Variants in DIP2A observed in about 807,000 individuals in gnomAD.
DIP2A encodes disco-interacting protein 2 homolog A.
Under a neutral mutation model 177.4 loss-of-function variants are expected in DIP2A, and 85 were observed. The ratio of observed to expected loss-of-function variants is 0.48; its 90% CI spans 0.40 to 0.57. The LOEUF (loss-of-function observed/expected upper bound fraction) is 0.57, where lower values mean the gene tolerates loss of function less well. Ranked by LOEUF, DIP2A falls within the 20% of genes least tolerant of loss-of-function variation. The pLI is 0.00. For missense variants in DIP2A, 1,791 were observed against 2,100.2 expected, an observed-to-expected ratio of 0.85 and a Z score of 2.88; for synonymous variants, 886 against 881.8, an observed-to-expected ratio of 1.00 and a Z score of -0.08.
At chr21:46,536,642 A>G (rs1766562780) in intron 13 of DIP2A, among the ~76,000 whole-genome samples, 1 of 152,096 alleles carries the variant, frequency 6.6e-6, no homozygotes, top group African/African-American at 2.4e-5. Flanking sequence ...GGTGACTTAC[A>G]CCTGTAATCC....
chr21:46,524,391 A>G (rs1315823299), intron 8 of DIP2A, among the ~76,000 whole-genome samples: 1 of 152,108 alleles, frequency 6.6e-6, no homozygotes, highest in Non-Finnish European at 1.5e-5. Context: ...GACTCCCCTA[A>G]GTTGGGACTC....
At chr21:46,506,765 TTTCTTTCTTTTCTTTTC>T (rs1568994737) in intron 6 of DIP2A, among the ~76,000 whole-genome samples, 8 of 114,880 alleles carry the variant, frequency 7.0e-5, no homozygotes, top group Non-Finnish European at 1.3e-4. Context: ...TCTTTCTTTC[TTTCTTTCTTTTCTTTTC>T]TTTCTTTTCT....
chr21:46,480,910 T>C (rs2056302005), intron 1 of DIP2A, among the ~76,000 whole-genome samples: 1 of 152,038 alleles, frequency 6.6e-6, no homozygotes, highest in Non-Finnish European at 1.5e-5. Flanking sequence ...CATTGTGGAG[T>C]CACCCAGCTG....
At chr21:46,560,222 G>A (rs746888706) in intron 32 of DIP2A, among the ~76,000 whole-genome samples, 2 of 152,164 alleles carry the variant, frequency 1.3e-5, no homozygotes, top group Non-Finnish European at 2.9e-5. Context: ...GACACATAAT[G>A]TCCTTTAGTC....
intron 1 of DIP2A, among the ~76,000 whole-genome samples, chr21:46,477,074 A>T (rs1360301079): frequency 6.6e-6 from 1 of 152,000 alleles, no homozygotes; most frequent in Non-Finnish European, 1.5e-5. Flanking sequence ...TCAGGTATGG[A>T]TCACTCCTCG....
chr21:46,537,437 C>T lies in DIP2A; in HGVS notation c.1708-9C>T. ...CCCACTCGCCCTAAGCATGTGTGCT[C>T]CCCCACAGAGCGTCATGAACAGGAT... is the stretch of plus-strand genomic sequence containing the variant. On this transcript the variant is annotated splice_polypyrimidine_tract_variant and intron_variant, in intron 14 of 37. Coordinates refer to ENST00000417564, the MANE Select transcript of DIP2A (RefSeq NM_015151.4). The surrounding 1 kb of genome is among the most constrained non-coding windows in gnomAD (Gnocchi z 4.1). The T allele has an allele frequency of 6.2e-7, 1 of 1,613,844 alleles. No individual in the cohort carries two copies. The highest frequency in any genetic ancestry group is 8.5e-7 in the Non-Finnish European group (1 of 1,179,816).
At chr21:46,523,552 CT>C (rs908662073) in intron 8 of DIP2A, among the ~76,000 whole-genome samples, 1 of 151,358 alleles carries the variant, frequency 6.6e-6, no homozygotes, top group Admixed American at 6.6e-5. Flanking sequence ...GCCCATAGTG[CT>C]TTTTTTTAAA....
rs566747637 is a variant in DIP2A at position 46,481,987 on chromosome 21, G to T, written c.92-2770G>T. Among the ~76,000 whole-genome samples the T allele has an allele frequency of 3.3e-4, 50 of 152,274 alleles. 1 individual carries two copies. Among genetic ancestry groups the T allele is most frequent in the Admixed American group, 2.8e-3 (43 of 15,300 alleles). ...AATCACTTGAACCCAGGAGGCAGAG[G>T]TTGCAGTGAGCCAGTTGTGCCACTG... On this transcript the variant is annotated intron_variant, in intron 1 of 37. Coordinates refer to ENST00000417564, the MANE Select transcript of DIP2A (RefSeq NM_015151.4).
chr21:46,545,649 G>T (rs984032151), intron 19 of DIP2A, among the ~76,000 whole-genome samples: 1 of 152,230 alleles, frequency 6.6e-6, no homozygotes, highest in Non-Finnish European at 1.5e-5. Flanking sequence ...GTCTAGGGAG[G>T]CCAGGCACCC....
At chr21:46,566,488 T>G in intron 36 of DIP2A, 72 bp from the exon 37 acceptor site, 1 of 1,600,472 alleles carries the variant, frequency 6.2e-7, no homozygotes, top group Non-Finnish European at 8.5e-7. Context: ...CTGGTTGGGC[T>G]CAGAGGATAC....
chr21:46,551,915 G>T lies in DIP2A; in HGVS notation c.3030+11G>T, dbSNP rs749519356. The T allele has an allele frequency of 5.6e-6, 9 of 1,593,312 alleles. No individual in the cohort carries two copies. The highest frequency in any genetic ancestry group is 1.1e-5 in the South Asian group (1 of 88,602). ...CTGCTGAACGCCAAGGTGAGGCAGT[G>T]TCACGCCCACGGGGCTTGGAAACAC... On this transcript the variant is annotated intron_variant, in intron 25 of 37. Transcript: ENST00000417564.
intron 8 of DIP2A, among the ~76,000 whole-genome samples, chr21:46,514,391 G>A (rs900842172): frequency 2.0e-5 from 3 of 150,148 alleles, no homozygotes; most frequent in Non-Finnish European, 2.9e-5. Flanking sequence ...AGCTGAGATC[G>A]CACCACTGCA....
chr21:46,566,444 G>A (rs778712270), intron 36 of DIP2A, 116 bp from the exon 37 acceptor site: 197 of 1,412,086 alleles, frequency 1.4e-4, no homozygotes, highest in Non-Finnish European at 1.8e-4. Flanking sequence ...ACCTCATGAT[G>A]TTTCAGTTGA....
At chr21:46,570,794 G>C (rs1426791586), downstream of DIP2A, among the ~76,000 whole-genome samples, 1 of 152,176 alleles carries the variant, frequency 6.6e-6, no homozygotes, top group African/African-American at 2.4e-5. Context: ...TTGAGGGAGA[G>C]AGAGAATACT....
rs368045775 is a variant in DIP2A at position 46,565,893 on chromosome 21, G to A, written c.4339+6G>A. On this transcript the variant is annotated splice_donor_region_variant and intron_variant, in intron 36 of 37. Transcript: ENST00000417564. Reference sequence around the variant, plus strand: ...GCTCACTGATGCCAGTGGAGGTGAGGGGTTGTGGTGAAGCCCTGCGTGAGT... The same window carrying A: ...GCTCACTGATGCCAGTGGAGGTGAGAGGTTGTGGTGAAGCCCTGCGTGAGT... 76 of 1,613,588 alleles carry A rather than the reference G, an allele frequency of 4.7e-5. No homozygotes were observed. In the South Asian group the frequency reaches 7.1e-4, roughly 15 times the overall value.
intron 28 of DIP2A, 191 bp from the exon 29 acceptor site, chr21:46,555,791 G>C: frequency 1.7e-6 from 1 of 590,130 alleles, no homozygotes; most frequent in Non-Finnish European, 3.1e-6. Context: ...ACCGGGTAGC[G>C]TTTCCATGAA....
chr21:46,474,240 TG>T (rs1391278687), intron 1 of DIP2A, among the ~76,000 whole-genome samples: 8 of 151,776 alleles, frequency 5.3e-5, no homozygotes, highest in African/African-American at 1.5e-4. Flanking sequence ...ACAAAAGGAG[TG>T]TGAGGCTGCT....
intron 1 of DIP2A, among the ~76,000 whole-genome samples, chr21:46,467,782 T>C (rs1335688362): frequency 6.6e-6 from 1 of 151,974 alleles, no homozygotes; most frequent in Non-Finnish European, 1.5e-5. Context: ...AGTACAAGTG[T>C]CTTTGTACAA....
chr21:46,540,102 A>G lies in DIP2A; in HGVS notation c.2036+111A>G, dbSNP rs2148810602. 4.5e-6 allele frequency: 4 copies of G among 888,878 alleles called. No individual in the cohort carries two copies. The South Asian group carries it at 6.4e-5, about 14-fold the overall frequency. 55.1% of individuals were successfully genotyped at this position (888,878 alleles called of 1,614,324 possible). A position where few individuals can be genotyped will look rare whatever the true frequency, so the allele number is the denominator to read the frequency against. On this transcript the variant is annotated intron_variant, in intron 17 of 37. Transcript: ENST00000417564. Reference sequence around the variant, plus strand: ...TGTTAGGATCCAGGCCCATTTGTGCAGTAGTACCTTGGTGCCTGGCCCCCC... The same window carrying G: ...TGTTAGGATCCAGGCCCATTTGTGCGGTAGTACCTTGGTGCCTGGCCCCCC...
Sources: gnomAD v4.1 joint callset for allele counts (sites outside exome capture counted in the v4.1 genomes callset) on GRCh38, gnomAD v4.1.1 for gene constraint, Gnocchi (gnomAD v3.1) non-coding constraint, MANE v1.5 for transcripts, NCBI Gene and HGNC (gene_info 2026-07-23, HGNC 2026-07-21) for gene names.